Variants in TMEM63C observed in about 807,000 individuals in gnomAD.
TMEM63C encodes osmosensitive cation channel TMEM63C.
In TMEM63C, 32 loss-of-function variants were observed where a neutral mutation model predicts 99.2. The ratio of observed to expected loss-of-function variants is 0.32; its 90% CI spans 0.24 to 0.43. The LOEUF is 0.43. TMEM63C is among the 20% of genes least tolerant of loss of function. The probability of loss-of-function intolerance (pLI) is 1.00; values close to 1 mark genes in which losing one functional copy is unlikely to be tolerated. For missense variants in TMEM63C, 826 were observed against 1,053.0 expected, an observed-to-expected ratio of 0.78 and a Z score of 2.98; for synonymous variants, 376 against 397.9, an observed-to-expected ratio of 0.94 and a Z score of 0.66.
intron 23 of TMEM63C, among the ~76,000 whole-genome samples, chr14:77,254,515 C>G (rs1261255592): frequency 6.6e-6 from 1 of 152,166 alleles, no homozygotes; most frequent in Non-Finnish European, 1.5e-5. Flanking sequence ...AAAAGGACCC[C>G]TCTTGGAATA....
chr14:77,209,877 A>C (rs551550146), intron 1 of TMEM63C, among the ~76,000 whole-genome samples: 1 of 152,212 alleles, frequency 6.6e-6, no homozygotes, highest in South Asian at 2.1e-4. Flanking sequence ...CAGAGCCTGG[A>C]ACTTCCAGTG....
At chr14:77,222,145 C>A (rs1457117190) in intron 5 of TMEM63C, among the ~76,000 whole-genome samples, 1 of 152,222 alleles carries the variant, frequency 6.6e-6, no homozygotes. Context: ...TTTCAAAATA[C>A]CTCCATATGG....
At chr14:77,242,297 A>AT in intron 13 of TMEM63C, 50 bp from the exon 14 acceptor site, 3 of 1,473,766 alleles carry the variant, frequency 2.0e-6, no homozygotes, top group South Asian at 1.1e-5. Flanking sequence ...TCCTAAGCCC[A>AT]TCCCCCCACC....
At chr14:77,243,270 A>AGGGAAGG (rs1889212933) in intron 15 of TMEM63C, among the ~76,000 whole-genome samples, 1 of 152,182 alleles carries the variant, frequency 6.6e-6, no homozygotes, top group Non-Finnish European at 1.5e-5. Context: ...GACCAGGGCT[A>AGGGAAGG]GAGTGGGAAG....
Position 77,242,339 on chromosome 14 carries a change from C to T in TMEM63C, c.1065-8C>T. On this transcript the variant is annotated splice_polypyrimidine_tract_variant and splice_region_variant and intron_variant, in intron 13 of 23. Coordinates refer to ENST00000298351, the MANE Select transcript of TMEM63C (RefSeq NM_020431.4). ...CCCACATTTCTTCCTCTTCTCCCCT[C>T]TCTGCAGTGTCCGTAAGGATTACAA... 1 of 1,608,962 alleles carries T rather than the reference C, an allele frequency of 6.2e-7. No homozygotes were observed. The highest frequency in any genetic ancestry group is 1.1e-5 in the South Asian group (1 of 90,938).
chr14:77,253,272 C>G, intron 22 of TMEM63C, 33 bp from the exon 23 acceptor site: 1 of 1,601,544 alleles, frequency 6.2e-7, no homozygotes, highest in African/African-American at 1.3e-5. Flanking sequence ...AAAGAGCAGG[C>G]CTCCTGTAAC....
intron 1 of TMEM63C, among the ~76,000 whole-genome samples, chr14:77,187,451 C>A: frequency 6.6e-6 from 1 of 152,194 alleles, no homozygotes; most frequent in Non-Finnish European, 1.5e-5. Context: ...CACCAGGTTC[C>A]GAGGGGCTGA....
intron 1 of TMEM63C, among the ~76,000 whole-genome samples, chr14:77,201,816 G>A (rs1888305326): frequency 6.6e-6 from 1 of 152,206 alleles, no homozygotes; most frequent in Admixed American, 6.5e-5. Flanking sequence ...TTTCTTCTCT[G>A]CTGAAGGCTT....
rs1888002631 is a variant in TMEM63C at position 77,186,787 on chromosome 14, G to GTGTGTGTGTGTC, written c.-77+4904_-77+4905insCTGTGTGTGTGT. 3.4e-5 allele frequency among the ~76,000 whole-genome samples: 4 copies of GTGTGTGTGTGTC among 116,488 alleles called. No individual in the cohort carries two copies. In the Admixed American group the frequency reaches 3.9e-4, roughly 11 times the overall value. 76.4% of individuals were successfully genotyped at this position (116,488 alleles called of 152,430 possible). A position where few individuals can be genotyped will look rare whatever the true frequency, so the allele number is the denominator to read the frequency against. On this transcript the variant is annotated intron_variant, in intron 1 of 23. Transcript: ENST00000298351. ...CTCAGAACCAAAGGGGTGTGTGTGT[G>GTGTGTGTGTGTC]TGTGTGTGTGTGTCTGTGTGTGTGT...
chr14:77,214,715 T>G (rs577267187), intron 2 of TMEM63C, among the ~76,000 whole-genome samples: 1 of 152,050 alleles, frequency 6.6e-6, no homozygotes, highest in African/African-American at 2.4e-5. Flanking sequence ...CTGATGTCAA[T>G]GTCCACATCT....
chr14:77,190,809 T>C (rs912251007), intron 1 of TMEM63C, among the ~76,000 whole-genome samples: 2 of 152,226 alleles, frequency 1.3e-5, no homozygotes, highest in African/African-American at 4.8e-5. Context: ...TGCTTGTGTG[T>C]GTATTCAGAC....
intron 5 of TMEM63C, 21 bp from the exon 6 acceptor site, chr14:77,225,403 G>A (rs1322795667): frequency 1.9e-6 from 3 of 1,612,420 alleles, no homozygotes; most frequent in African/African-American, 1.3e-5. Flanking sequence ...TTTTCTCACA[G>A]TTTCTCTCCT....
chr14:77,184,279 T>C (rs1276222918), intron 1 of TMEM63C, among the ~76,000 whole-genome samples: 2 of 152,058 alleles, frequency 1.3e-5, no homozygotes, highest in Non-Finnish European at 2.9e-5. Flanking sequence ...CCGCTTCAAG[T>C]TGTGCTTGGG....
chr14:77,234,538 T>G (rs1889002846), intron 8 of TMEM63C, among the ~76,000 whole-genome samples: 1 of 152,160 alleles, frequency 6.6e-6, no homozygotes. Context: ...GAACATTCTG[T>G]AGAGACCATG....
At chr14:77,228,676 A>G (rs1448402012) in intron 6 of TMEM63C, among the ~76,000 whole-genome samples, 2 of 151,816 alleles carry the variant, frequency 1.3e-5, no homozygotes, top group Non-Finnish European at 2.9e-5. Flanking sequence ...AGCTGGGATT[A>G]CAGGCACGTG....
chr14:77,231,518 C>T, intron 6 of TMEM63C, 70 bp from the exon 7 acceptor site: 1 of 1,523,018 alleles, frequency 6.6e-7, no homozygotes, highest in Non-Finnish European at 8.9e-7. Context: ...GCCCTTCCCT[C>T]TACCTCCCCG....
chr14:77,227,305 A>G (rs1301197061), intron 6 of TMEM63C, among the ~76,000 whole-genome samples: 1 of 152,074 alleles, frequency 6.6e-6, no homozygotes, highest in East Asian at 1.9e-4. Flanking sequence ...TAGAGAAACA[A>G]TGGGAGGGGA....
intron 17 of TMEM63C, among the ~76,000 whole-genome samples, chr14:77,246,296 C>G (rs893998208): frequency 3.9e-5 from 6 of 152,162 alleles, no homozygotes; most frequent in African/African-American, 1.2e-4. Flanking sequence ...AACAACACAG[C>G]CAAAAAGCAG....
intron 1 of TMEM63C, among the ~76,000 whole-genome samples, chr14:77,195,001 C>A (rs571030397): frequency 1.3e-5 from 2 of 151,998 alleles, no homozygotes; most frequent in African/African-American, 4.8e-5. Context: ...TGCCTGTAAT[C>A]TTAACTATCT....
Sources: gnomAD v4.1 joint callset for allele counts (sites outside exome capture counted in the v4.1 genomes callset) on GRCh38, gnomAD v4.1.1 for gene constraint, MANE v1.5 for transcripts, NCBI Gene and HGNC (gene_info 2026-07-23, HGNC 2026-07-21) for gene names.